Variants in C1orf21 observed in about 807,000 individuals in gnomAD.
C1orf21 encodes the protein chromosome 1 open reading frame 21.
Under a neutral mutation model 18.7 loss-of-function variants are expected in C1orf21, and 3 were observed. That is an observed-to-expected ratio of 0.16 (90% CI 0.07 to 0.42). The LOEUF is 0.42. Ranked by LOEUF, C1orf21 falls within the 10% of genes least tolerant of loss-of-function variation. The pLI, the probability that C1orf21 is intolerant of heterozygous loss-of-function variation, is 0.99. For missense variants in C1orf21, 104 were observed against 143.6 expected (o/e 0.72, Z 1.41); for synonymous variants, 41 against 46.4 (o/e 0.88, Z 0.47).
intron 1 of C1orf21, among the ~76,000 whole-genome samples, chr1:184,391,032 G>T (rs1655963778): frequency 6.6e-6 from 1 of 152,214 alleles, no homozygotes; most frequent in East Asian, 1.9e-4. Flanking sequence ...ATCTGAAGTG[G>T]CATGTAAATT....
chr1:184,581,847 A>C (rs1177204250), intron 3 of C1orf21, among the ~76,000 whole-genome samples: 1 of 152,230 alleles, frequency 6.6e-6, no homozygotes, highest in Non-Finnish European at 1.5e-5. Flanking sequence ...TGTTTGTTTG[A>C]TATAAAATGA....
rs1479121198 is a variant in C1orf21 at position 184,613,687 on chromosome 1, CAGAG to C, written c.328-5830_328-5827del. ...CCCCAGCACTGCTTCCCTCCAAAGC[CAGAG>C]TGTTCACAACCCTTGGATATGGGCC... On this transcript the variant is annotated intron_variant, in intron 5 of 5. Coordinates refer to ENST00000235307, the MANE Select transcript of C1orf21 (RefSeq NM_030806.4). 5.3e-5 allele frequency among the ~76,000 whole-genome samples: 8 copies of C among 152,272 alleles called. No homozygotes were observed. In the East Asian group the frequency reaches 1.5e-3, roughly 29 times the overall value.
intron 2 of C1orf21, among the ~76,000 whole-genome samples, chr1:184,482,724 C>G (rs776884293): frequency 6.6e-6 from 1 of 152,180 alleles, no homozygotes; most frequent in Non-Finnish European, 1.5e-5. Context: ...GTATGTGTCT[C>G]TGAGTGTGTG....
At chr1:184,508,035 G>T (rs1469247586) in intron 3 of C1orf21, among the ~76,000 whole-genome samples, 1 of 152,130 alleles carries the variant, frequency 6.6e-6, no homozygotes, top group Non-Finnish European at 1.5e-5. Flanking sequence ...AAATCAGGAT[G>T]AATGGTTGTT....
At chr1:184,611,506 A>C (rs990319250) in intron 5 of C1orf21, among the ~76,000 whole-genome samples, 1 of 152,156 alleles carries the variant, frequency 6.6e-6, no homozygotes, top group African/African-American at 2.4e-5. Flanking sequence ...CTAGTCGTGC[A>C]CAGATGCTCA....
At chr1:184,477,750 G>T in intron 2 of C1orf21, 147 bp downstream of exon 2, 1 of 645,148 alleles carries the variant, frequency 1.6e-6, no homozygotes. Flanking sequence ...TCGGTATTTA[G>T]GATATCTATC....
intron 3 of C1orf21, among the ~76,000 whole-genome samples, chr1:184,579,379 GTTTTTTTTTTT>G (rs201010891): frequency 5.6e-5 from 4 of 71,444 alleles, no homozygotes; most frequent in Non-Finnish European, 1.0e-4. Context: ...TATAAGCTGG[GTTTTTTTTTTT>G]TTTTTTTTTT....
At chr1:184,487,415 A>G (rs1657748615) in intron 2 of C1orf21, among the ~76,000 whole-genome samples, 1 of 152,218 alleles carries the variant, frequency 6.6e-6, no homozygotes, top group African/African-American at 2.4e-5. Flanking sequence ...AATTATTATC[A>G]TGATTATCCC....
At chr1:184,420,144 A>G (rs1265061008) in intron 1 of C1orf21, among the ~76,000 whole-genome samples, 1 of 152,120 alleles carries the variant, frequency 6.6e-6, no homozygotes, top group Non-Finnish European at 1.5e-5. Flanking sequence ...GGAAGTTTTC[A>G]GGGAAATCTT....
chr1:184,622,283 A>G lies in C1orf21; in HGVS notation c.*2727A>G, dbSNP rs955765945. On this transcript the variant is annotated 3_prime_UTR_variant, in exon 6 of 6. Coordinates refer to ENST00000235307, the MANE Select transcript of C1orf21 (RefSeq NM_030806.4). ...AAATGATGAGAAATGAACTGAGAGCATTAAGCAGAGAGGGTTGATAGGCTG... is the reference window on the plus strand; with the variant it reads ...AAATGATGAGAAATGAACTGAGAGCGTTAAGCAGAGAGGGTTGATAGGCTG... 1 of 152,306 alleles carries G rather than the reference A, an allele frequency of 6.6e-6. No homozygotes were observed. Among genetic ancestry groups the G allele is most frequent in the Non-Finnish European group, 1.5e-5 (1 of 68,090 alleles). The allele number at this position is 152,306 out of a possible 1,614,324, so 9.4% of individuals were successfully genotyped here.
chr1:184,455,185 G>A (rs896623464), intron 1 of C1orf21, among the ~76,000 whole-genome samples: 1 of 152,158 alleles, frequency 6.6e-6, no homozygotes, highest in Non-Finnish European at 1.5e-5. Flanking sequence ...CTGTTTTGCT[G>A]TTCCAACTAT....
chr1:184,578,458 G>T (rs1659225976), intron 3 of C1orf21, among the ~76,000 whole-genome samples: 1 of 152,172 alleles, frequency 6.6e-6, no homozygotes, highest in South Asian at 2.1e-4. Flanking sequence ...GCTTTCTGGG[G>T]TATAAACCAC....
intron 3 of C1orf21, among the ~76,000 whole-genome samples, chr1:184,515,328 A>C (rs928064538): frequency 1.3e-5 from 2 of 152,218 alleles, no homozygotes; most frequent in East Asian, 3.8e-4. Context: ...GATAACAATA[A>C]TAAAAGTCCA....
intron 1 of C1orf21, among the ~76,000 whole-genome samples, chr1:184,437,901 G>A (rs370383284): frequency 2.0e-5 from 3 of 152,012 alleles, no homozygotes; most frequent in African/African-American, 4.8e-5. Context: ...CCTAAGGAGC[G>A]CACAACCTAG....
In C1orf21 at chr1:184,619,582, A is replaced by G. The variant is rs1335381232; in HGVS notation, c.*26A>G. 1.2e-6 allele frequency: 2 copies of G among 1,610,750 alleles called. No individual in the cohort carries two copies. The highest frequency in any genetic ancestry group is 1.7e-6 in the Non-Finnish European group (2 of 1,177,660). On this transcript the variant is annotated 3_prime_UTR_variant, in exon 6 of 6. Transcript: ENST00000235307. ...CACCAATTTTACCACTCAAACCAGG[A>G]GCTACTACTGTGTAAATAGGTTACA... is the stretch of plus-strand genomic sequence containing the variant.
chr1:184,430,485 A>G (rs1656723007), intron 1 of C1orf21, among the ~76,000 whole-genome samples: 1 of 152,232 alleles, frequency 6.6e-6, no homozygotes, highest in Admixed American at 6.5e-5. Context: ...GTCCATATGT[A>G]TAATTTGTAT....
rs542647243 is a variant in C1orf21, at chr1:184,617,571, A to G, written c.328-1947A>G. Among the ~76,000 whole-genome samples, 6 of 152,320 alleles carry G rather than the reference A, an allele frequency of 3.9e-5. No individual in the cohort carries two copies. The East Asian group carries it at 1.2e-3, about 29-fold the overall frequency. The stretch of plus-strand genomic sequence containing the variant: ...GTTCTGGGCCAAGGCTAGGGATGGC[A>G]TCTGCTTGGGCAGTGTCACCAGGGA... On this transcript the variant is annotated intron_variant, in intron 5 of 5. Transcript: ENST00000235307.
In C1orf21 at chr1:184,616,679, C is replaced by T. The variant is rs117512595; in HGVS notation, c.328-2839C>T. ...GTATGCATGTGTGTGCATGTGTGCACGTGTGTGTGCTTGTGTGTGCACACG... is the reference window on the plus strand; with the variant it reads ...GTATGCATGTGTGTGCATGTGTGCATGTGTGTGTGCTTGTGTGTGCACACG... On this transcript the variant is annotated intron_variant, in intron 5 of 5. Coordinates refer to ENST00000235307, the MANE Select transcript of C1orf21 (RefSeq NM_030806.4). Among the ~76,000 whole-genome samples the T allele has an allele frequency of 3.1e-4, 47 of 151,906 alleles. No homozygotes were observed. In the East Asian group the frequency reaches 8.0e-3, roughly 26 times the overall value.
At chr1:184,583,514 G>A (rs1383853081) in intron 3 of C1orf21, among the ~76,000 whole-genome samples, 1 of 152,108 alleles carries the variant, frequency 6.6e-6, no homozygotes, top group Non-Finnish European at 1.5e-5. Context: ...TCTCCCTGTC[G>A]ACCCTGAGAT....
Sources: gnomAD v4.1 joint callset for allele counts (sites outside exome capture counted in the v4.1 genomes callset) on GRCh38, gnomAD v4.1.1 for gene constraint, MANE v1.5 for transcripts, NCBI Gene and HGNC (gene_info 2026-07-23, HGNC 2026-07-21) for gene names.